The following CDC42SE2 variants were observed in gnomAD, a reference collection of about 807,000 sequenced individuals.
CDC42SE2 encodes the protein CDC42 small effector protein 2.
CDC42SE2 carries 3 observed loss-of-function variants against 11.5 expected under a neutral mutation model. The observed-to-expected ratio is 0.26, with a 90% confidence interval of 0.12 to 0.67. The LOEUF (loss-of-function observed/expected upper bound fraction) is 0.67. CDC42SE2 is among the 30% of genes least tolerant of loss of function. CDC42SE2 has a pLI of 0.80. For synonymous variants in CDC42SE2, 33 were observed against 34.8 expected, an observed-to-expected ratio of 0.95 and a Z score of 0.18; for missense variants, 82 against 106.8, an observed-to-expected ratio of 0.77 and a Z score of 1.02.
At chr5:131,361,468 G>T (rs938946157) in intron 3 of CDC42SE2, among the ~76,000 whole-genome samples, 1 of 152,214 alleles carries the variant, frequency 6.6e-6, no homozygotes, top group African/African-American at 2.4e-5. Context: ...GGAGCATACA[G>T]ACGGGGAGCT....
At chr5:131,347,809 G>C (rs1422630937) in intron 2 of CDC42SE2, among the ~76,000 whole-genome samples, 1 of 152,186 alleles carries the variant, frequency 6.6e-6, no homozygotes, top group African/African-American at 2.4e-5. Flanking sequence ...CCACGATCAA[G>C]TGGGCTTTAT....
the CDC42SE2 span, among the ~76,000 whole-genome samples, chr5:131,238,105 C>CT: frequency 1 from 151,547 of 151,550 alleles, 75,772 homozygotes; most frequent in Non-Finnish European, 1. Flanking sequence ...ATTTTTCATC[C>CT]TTTCCCACTG....
At chr5:131,335,629 T>G (rs1419532624) in intron 2 of CDC42SE2, among the ~76,000 whole-genome samples, 1 of 152,256 alleles carries the variant, frequency 6.6e-6, no homozygotes, top group African/African-American at 2.4e-5. Flanking sequence ...ACTTAAGGAC[T>G]TGCTTTATGA....
At chr5:131,258,768 A>G (rs1259435175) in intron 2 of CDC42SE2, among the ~76,000 whole-genome samples, 1 of 152,164 alleles carries the variant, frequency 6.6e-6, no homozygotes, top group Non-Finnish European at 1.5e-5. Context: ...AAACTTTTCT[A>G]ACTAATTCAG....
intron 1 of CDC42SE2, among the ~76,000 whole-genome samples, chr5:131,275,298 C>CTT (rs200692326): frequency 1.6e-3 from 221 of 138,374 alleles, no homozygotes; most frequent in African/African-American, 5.4e-3. Context: ...ATATTGTAAT[C>CTT]TTTTTTTTTT....
intron 2 of CDC42SE2, among the ~76,000 whole-genome samples, chr5:131,331,174 G>T (rs1333627573): frequency 6.6e-6 from 1 of 152,146 alleles, no homozygotes; most frequent in African/African-American, 2.4e-5. Flanking sequence ...CTAATCAGTT[G>T]TGAAATCTAT....
intron 2 of CDC42SE2, among the ~76,000 whole-genome samples, chr5:131,356,752 TAAA>T (rs1443661051): frequency 2.0e-5 from 3 of 151,962 alleles, no homozygotes; most frequent in African/African-American, 7.3e-5. Context: ...CTACACAAAA[TAAA>T]AAATTAGCAA....
At chr5:131,240,619 A>G (rs1756533045), upstream of CDC42SE2, among the ~76,000 whole-genome samples, 2 of 152,332 alleles carry the variant, frequency 1.3e-5, no homozygotes, top group Middle Eastern at 3.4e-3. Flanking sequence ...TTTGTTCACC[A>G]TGATTTGATG....
At chr5:131,371,833 T>TA (rs1255847301) in intron 3 of CDC42SE2, among the ~76,000 whole-genome samples, 1 of 152,258 alleles carries the variant, frequency 6.6e-6, no homozygotes, top group Non-Finnish European at 1.5e-5. Flanking sequence ...GGTGATAAGT[T>TA]ACAGTGAAAC....
intron 3 of CDC42SE2, among the ~76,000 whole-genome samples, chr5:131,366,111 A>G (rs938994953): frequency 3.9e-5 from 6 of 152,224 alleles, no homozygotes; most frequent in Admixed American, 2.0e-4. Flanking sequence ...AGACTAGTAT[A>G]CTGGAACTAC....
chr5:131,309,070 T>C (rs979827620), intron 1 of CDC42SE2, among the ~76,000 whole-genome samples: 1 of 152,124 alleles, frequency 6.6e-6, no homozygotes, highest in East Asian at 1.9e-4. Context: ...CAGTATGATA[T>C]TGGCTGTGGG....
intron 2 of CDC42SE2, among the ~76,000 whole-genome samples, chr5:131,350,721 G>T (rs1012766215): frequency 6.6e-6 from 1 of 151,590 alleles, no homozygotes; most frequent in Non-Finnish European, 1.5e-5. Context: ...AATCACAGGA[G>T]GCTTTTTTTT....
chr5:131,239,197 A>AAT, the CDC42SE2 span, among the ~76,000 whole-genome samples: 19 of 151,430 alleles, frequency 1.3e-4, no homozygotes, highest in African/African-American at 4.1e-4. Context: ...GAAAGAAAGA[A>AAT]ATATATATAT....
At chr5:131,287,773 C>T (rs939309179) in intron 1 of CDC42SE2, among the ~76,000 whole-genome samples, 5 of 152,012 alleles carry the variant, frequency 3.3e-5, no homozygotes, top group South Asian at 2.1e-4. Flanking sequence ...CATATCCTAC[C>T]GAAATTTTCT....
chr5:131,258,380 T>A (rs1290201516), intron 2 of CDC42SE2, among the ~76,000 whole-genome samples: 1 of 152,200 alleles, frequency 6.6e-6, no homozygotes, highest in Non-Finnish European at 1.5e-5. Context: ...TTACTTGCCA[T>A]ATATAGATGT....
chr5:131,266,559 G>C (rs776552891), intron 1 of CDC42SE2, among the ~76,000 whole-genome samples: 3 of 150,220 alleles, frequency 2.0e-5, no homozygotes, highest in Non-Finnish European at 3.0e-5. Context: ...TTTGGGGCTC[G>C]AGCTATTCTC....
chr5:131,226,118 A>G, the CDC42SE2 span, among the ~76,000 whole-genome samples: 1 of 152,230 alleles, frequency 6.6e-6, no homozygotes, highest in African/African-American at 2.4e-5. Context: ...TGCCAAAGAC[A>G]GGATGGGTAT....
At chr5:131,367,139 GTA>G (rs111863431) in intron 3 of CDC42SE2, among the ~76,000 whole-genome samples, 252 of 150,926 alleles carry the variant, frequency 1.7e-3, no homozygotes, top group African/African-American at 5.8e-3. Flanking sequence ...ACATATGTGT[GTA>G]TATATATATC....
chr5:131,303,734 C>T (rs558940885), intron 1 of CDC42SE2, among the ~76,000 whole-genome samples: 1 of 152,316 alleles, frequency 6.6e-6, no homozygotes, highest in African/African-American at 2.4e-5. Context: ...GTAGAACATA[C>T]AGCCTGTACT....
Sources: gnomAD v4.1 joint callset for allele counts (sites outside exome capture counted in the v4.1 genomes callset) on GRCh38, gnomAD v4.1.1 for gene constraint, MANE v1.5 for transcripts, NCBI Gene and HGNC (gene_info 2026-07-23, HGNC 2026-07-21) for gene names.